Variants in ROBO1 observed in about 807,000 individuals in gnomAD.
The protein encoded by ROBO1 is roundabout homolog 1.
A neutral mutation model predicts 195.9 loss-of-function variants in ROBO1; 149 were observed. The ratio of observed to expected loss-of-function variants is 0.76; its 90% CI spans 0.67 to 0.87. The LOEUF (loss-of-function observed/expected upper bound fraction) is 0.87. Ranked by LOEUF, ROBO1 falls within the 40% of genes least tolerant of loss-of-function variation. The pLI is 0.00. For missense variants in ROBO1, 1,933 were observed against 2,068.3 expected (o/e 0.93, Z 1.27); for synonymous variants, 816 against 733.2 (o/e 1.11, Z -1.82).
At chr3:79,538,928 G>GC (rs1302549956) in intron 2 of ROBO1, among the ~76,000 whole-genome samples, 2 of 152,118 alleles carry the variant, frequency 1.3e-5, no homozygotes, top group African/African-American at 4.8e-5. Context: ...TTAAACATCT[G>GC]ATTGAATTTC....
intron 3 of ROBO1, among the ~76,000 whole-genome samples, chr3:79,054,704 C>T (rs556476204): frequency 1.1e-4 from 16 of 152,238 alleles, no homozygotes; most frequent in Admixed American, 3.9e-4. Context: ...CCAAATGCTG[C>T]TGCTACTGTT....
intron 4 of ROBO1, among the ~76,000 whole-genome samples, chr3:78,783,932 G>C (rs1461613484): frequency 6.6e-6 from 1 of 152,076 alleles, no homozygotes; most frequent in Non-Finnish European, 1.5e-5. Context: ...AGTGAAACTT[G>C]AGAAATATAA....
At chr3:79,759,035 C>T (rs957164667) in intron 1 of ROBO1, among the ~76,000 whole-genome samples, 2 of 152,078 alleles carry the variant, frequency 1.3e-5, no homozygotes, top group Non-Finnish European at 2.9e-5. Flanking sequence ...CTGTCATTGG[C>T]TAAACCAGGC....
chr3:79,221,811 A>G (rs2082144228), intron 2 of ROBO1, among the ~76,000 whole-genome samples: 2 of 152,212 alleles, frequency 1.3e-5, no homozygotes, highest in South Asian at 4.1e-4. Flanking sequence ...AGGTCTCATA[A>G]TTATTCTAAC....
intron 2 of ROBO1, among the ~76,000 whole-genome samples, chr3:79,353,889 A>G (rs568355408): frequency 6.6e-6 from 1 of 152,192 alleles, no homozygotes; most frequent in South Asian, 2.1e-4. Flanking sequence ...TACTAAAAAT[A>G]CAAAAATTAG....
At chr3:79,231,626 A>T (rs1178913085) in intron 2 of ROBO1, among the ~76,000 whole-genome samples, 1 of 152,216 alleles carries the variant, frequency 6.6e-6, no homozygotes, top group African/African-American at 2.4e-5. Context: ...AATGTAAATT[A>T]GTTCAACAAT....
chr3:79,528,799 G>A (rs559497389), intron 2 of ROBO1, among the ~76,000 whole-genome samples: 3 of 152,158 alleles, frequency 2.0e-5, no homozygotes, highest in South Asian at 2.1e-4. Context: ...TTGGAAATAC[G>A]GTCAGCGATG....
At chr3:79,219,932 T>A (rs1262558478) in intron 2 of ROBO1, among the ~76,000 whole-genome samples, 1 of 152,078 alleles carries the variant, frequency 6.6e-6, no homozygotes, top group Non-Finnish European at 1.5e-5. Flanking sequence ...ATGTAAGCCA[T>A]ATCTCTAAAA....
At position 79,239,779 on chromosome 3, in the gene ROBO1, C is replaced by G. The variant is rs149114427; in HGVS notation, c.89-114240G>C. Among the ~76,000 whole-genome samples, 19 of 152,254 alleles carry G rather than the reference C, an allele frequency of 1.2e-4. No homozygotes were observed. In the East Asian group the frequency reaches 2.9e-3, roughly 23 times the overall value. ...CACGTTCCCAAACTGAATATTATTG[C>G]TTAGCACAGCACTTAGTATAAAGCT... On this transcript the variant is annotated intron_variant, in intron 2 of 30. Coordinates refer to ENST00000464233, the MANE Select transcript of ROBO1 (RefSeq NM_002941.4).
At chr3:79,261,979 T>A (rs541666191) in intron 2 of ROBO1, among the ~76,000 whole-genome samples, 7 of 152,170 alleles carry the variant, frequency 4.6e-5, no homozygotes, top group African/African-American at 1.7e-4. Flanking sequence ...TTATACTTTA[T>A]CTGAGGGAAT....
chr3:79,638,349 T>A (rs1487366400), intron 1 of ROBO1, among the ~76,000 whole-genome samples: 2 of 152,206 alleles, frequency 1.3e-5, no homozygotes, highest in Non-Finnish European at 2.9e-5. Flanking sequence ...CTTACCAAAA[T>A]AAAACCATAT....
intron 2 of ROBO1, among the ~76,000 whole-genome samples, chr3:79,309,923 A>G (rs1025526920): frequency 6.6e-6 from 1 of 152,228 alleles, no homozygotes; most frequent in African/African-American, 2.4e-5. Context: ...AAATTTAGAT[A>G]CAACTCTGAA....
At chr3:79,028,370 C>G (rs2078237880) in intron 3 of ROBO1, among the ~76,000 whole-genome samples, 1 of 151,712 alleles carries the variant, frequency 6.6e-6, no homozygotes, top group South Asian at 2.1e-4. Context: ...CAAAGATCAT[C>G]ATAAGAATTT....
At chr3:78,600,463 C>T (rs752324169) in intron 29 of ROBO1, among the ~76,000 whole-genome samples, 154 bp from the exon 30 acceptor site, 1 of 152,144 alleles carries the variant, frequency 6.6e-6, no homozygotes, top group Non-Finnish European at 1.5e-5. Context: ...AATAATGTAG[C>T]ATAGTGTGTT....
At chr3:78,641,930 A>G (rs1575826023) in intron 21 of ROBO1, among the ~76,000 whole-genome samples, 1 of 152,282 alleles carries the variant, frequency 6.6e-6, no homozygotes, top group East Asian at 1.9e-4. Context: ...TTGGAATGCT[A>G]GTTATTTAAG....
At chr3:79,440,065 T>A (rs544502064) in intron 2 of ROBO1, among the ~76,000 whole-genome samples, 3 of 150,800 alleles carry the variant, frequency 2.0e-5, no homozygotes, top group South Asian at 4.2e-4. Context: ...GAAGAGGAAA[T>A]CTGTCCAGTA....
chr3:79,053,132 G>C (rs2078734764), intron 3 of ROBO1, among the ~76,000 whole-genome samples: 1 of 151,872 alleles, frequency 6.6e-6, no homozygotes, highest in Non-Finnish European at 1.5e-5. Context: ...TCACTGTCTG[G>C]GGTGATTGGG....
At position 79,411,998 on chromosome 3, in the gene ROBO1, G is replaced by A. The variant is rs183868718; in HGVS notation, c.88+177826C>T. ...CACAGGAGAAGTTATCTCAGCCATCGAGAGCAGCAGCATCAGTAACAGCAC... is the reference window on the plus strand; with the variant it reads ...CACAGGAGAAGTTATCTCAGCCATCAAGAGCAGCAGCATCAGTAACAGCAC... On this transcript the variant is annotated intron_variant, in intron 2 of 30. Coordinates refer to ENST00000464233, the MANE Select transcript of ROBO1 (RefSeq NM_002941.4). Among the ~76,000 whole-genome samples, 83 of 152,078 alleles carry A rather than the reference G, an allele frequency of 5.5e-4. 2 individuals are homozygous for A. The South Asian group carries it at 0.015, about 28-fold the overall frequency.
intron 2 of ROBO1, among the ~76,000 whole-genome samples, chr3:79,468,757 G>C (rs1373009338): frequency 2.0e-5 from 3 of 152,152 alleles, no homozygotes; most frequent in Non-Finnish European, 2.9e-5. Flanking sequence ...AATTGGATTT[G>C]TACAGACCTT....
Sources: allele counts gnomAD v4.1 joint callset (sites outside exome capture counted in the v4.1 genomes callset), GRCh38; gene constraint gnomAD v4.1.1; transcripts MANE v1.5; gene names NCBI Gene and HGNC (gene_info 2026-07-23, HGNC 2026-07-21).